Variants in KDM4A observed in about 807,000 individuals in gnomAD.
The protein encoded by KDM4A is lysine demethylase 4A.
In KDM4A, 23 loss-of-function variants were observed where a neutral mutation model predicts 127.1. The ratio of observed to expected loss-of-function variants is 0.18; its 90% CI spans 0.13 to 0.26. The LOEUF (loss-of-function observed/expected upper bound fraction) is 0.26. KDM4A is among the 10% of genes least tolerant of loss of function. KDM4A has a pLI of 1.00. For missense variants in KDM4A, 890 were observed against 1,329.1 expected, an observed-to-expected ratio of 0.67 and a Z score of 5.14; for synonymous variants, 443 against 466.5, an observed-to-expected ratio of 0.95 and a Z score of 0.65.
At chr1:43,671,263 C>T (rs1192008946) in intron 10 of KDM4A, among the ~76,000 whole-genome samples, 1 of 152,148 alleles carries the variant, frequency 6.6e-6, no homozygotes, top group African/African-American at 2.4e-5. Flanking sequence ...AGGCGGTGCT[C>T]AGGAGTCTTA....
rs1013314738 is a variant in KDM4A at position 43,704,255 on chromosome 1, A to G, written c.3080A>G (p.Asn1027Ser). 1.9e-6 allele frequency: 3 copies of G among 1,614,052 alleles called. No individual in the cohort carries two copies. Among genetic ancestry groups the G allele is most frequent in the African/African-American group, 2.7e-5 (2 of 74,912 alleles). ...RLSVASDMRF[N>S]EIFTEKEVKQ... ...TCAGTAGCCTCAGACATGCGCTTCA[A>G]TGAGATTTTCACAGAGAAAGAGGTT... Residue 1027 changes from asparagine to serine, a missense_variant, in exon 22 of 22, where the codon AAT becomes AGT. Around this residue, in one of 7 missense-constraint regions of KDM4A, gnomAD observed 246 missense variants for 418.4 expected, o/e 0.59. Coordinates refer to ENST00000372396, the MANE Select transcript of KDM4A (RefSeq NM_014663.3).
At chr1:43,664,687 T>C (rs1660461378) in intron 5 of KDM4A, among the ~76,000 whole-genome samples, 2 of 152,200 alleles carry the variant, frequency 1.3e-5, no homozygotes, top group South Asian at 4.1e-4. Context: ...CTAACTACTG[T>C]CCTGTTTTTC....
intron 3 of KDM4A, among the ~76,000 whole-genome samples, chr1:43,656,464 A>G (rs1394280448): frequency 6.7e-6 from 1 of 148,978 alleles, no homozygotes; most frequent in South Asian, 2.1e-4. Flanking sequence ...CAGCCTCCCA[A>G]GTAGCTGGGA....
At chr1:43,703,394 A>AT (rs570960378) in intron 19 of KDM4A, 16,667 of 320,812 alleles carry the variant, frequency 0.052, 117 homozygotes, top group African/African-American at 0.073. Context: ...TTATAGCTGG[A>AT]TTTTTTTTTT....
At chr1:43,702,472 T>A (rs2154049551) in intron 19 of KDM4A, 1 of 152,344 alleles carries the variant, frequency 6.6e-6, no homozygotes. Flanking sequence ...TAAGAGCAGA[T>A]GTGAGCATCC....
intron 19 of KDM4A, among the ~76,000 whole-genome samples, chr1:43,700,755 G>T (rs990273627): frequency 3.9e-5 from 6 of 151,910 alleles, no homozygotes; most frequent in African/African-American, 1.5e-4. Context: ...TGTGGAATCT[G>T]AAAGGTCAGT....
chr1:43,690,771 G>A (rs1557917762), intron 13 of KDM4A, 74 bp from the exon 14 acceptor site: 1 of 1,365,750 alleles, frequency 7.3e-7, no homozygotes, highest in East Asian at 2.3e-5. Flanking sequence ...CCAGCTTTCT[G>A]CTGATAGAGC....
intron 3 of KDM4A, among the ~76,000 whole-genome samples, chr1:43,657,191 A>C (rs1033163694): frequency 6.7e-6 from 1 of 149,422 alleles, no homozygotes; most frequent in African/African-American, 2.5e-5. Context: ...TCCGGCTGAC[A>C]CCTTAACTCC....
At chr1:43,673,816 G>C (rs1660681184) in intron 11 of KDM4A, among the ~76,000 whole-genome samples, 1 of 152,174 alleles carries the variant, frequency 6.6e-6, no homozygotes, top group Non-Finnish European at 1.5e-5. Flanking sequence ...CCATCCTACT[G>C]TTGACTACTG....
chr1:43,673,352 C>T (rs1156466429), intron 11 of KDM4A, among the ~76,000 whole-genome samples: 2 of 152,114 alleles, frequency 1.3e-5, no homozygotes, highest in East Asian at 1.9e-4. Flanking sequence ...TTCTGACGTA[C>T]GTACAAAATA....
intron 11 of KDM4A, among the ~76,000 whole-genome samples, chr1:43,672,191 C>CTT (rs1039485459): frequency 6.8e-6 from 1 of 147,168 alleles, no homozygotes; most frequent in Non-Finnish European, 1.5e-5. Context: ...ATCACAATGC[C>CTT]TTTTTTTTTT....
intron 1 of KDM4A, chr1:43,650,453 A>G (rs1009635110): frequency 6.6e-6 from 1 of 151,550 alleles, no homozygotes; most frequent in Admixed American, 6.6e-5. Flanking sequence ...GGACCTCGGG[A>G]GAGGGGGGCG....
chr1:43,652,675 CTTTCTTTT>C (rs1444947382), intron 1 of KDM4A, among the ~76,000 whole-genome samples: 14 of 134,674 alleles, frequency 1.0e-4, no homozygotes, highest in African/African-American at 4.1e-4. Context: ...TTCTTTCTTT[CTTTCTTTT>C]TTTTTTTTTT....
chr1:43,703,611 C>T lies in KDM4A; in HGVS notation c.2842-6C>T, dbSNP rs763220489. ...CTTTCACCCTCCTTCCTTCCTGTTTCCTCAGAGCCAGGACTGTCTCCAGTT... is the reference window on the plus strand; with the variant it reads ...CTTTCACCCTCCTTCCTTCCTGTTTTCTCAGAGCCAGGACTGTCTCCAGTT... On this transcript the variant is annotated splice_polypyrimidine_tract_variant and splice_region_variant and intron_variant, in intron 19 of 21. Transcript: ENST00000372396. The T allele has an allele frequency of 6.2e-7, 1 of 1,613,678 alleles. No homozygotes were observed. The highest frequency in any genetic ancestry group is 1.7e-5 in the Admixed American group (1 of 59,972).
At position 43,691,401 on chromosome 1, in the gene KDM4A, G is replaced by A. The variant is rs1661107086; in HGVS notation, c.2243-95G>A. 3.9e-6 allele frequency: 4 copies of A among 1,022,880 alleles called. No individual in the cohort carries two copies. The African/African-American group carries it at 6.3e-5, about 16-fold the overall frequency. The allele number at this position is 1,022,880 out of a possible 1,614,324, so 63.4% of individuals were successfully genotyped here. A position where few individuals can be genotyped will look rare whatever the true frequency, so the allele number is the denominator to read the frequency against. On this transcript the variant is annotated intron_variant, in intron 14 of 21. Transcript: ENST00000372396. The stretch of plus-strand genomic sequence containing the variant: ...TAAGGGGTTTCTGTGAGATTTGGTT[G>A]TAGCTTTGGGAGGTGGTATATGGAA...
chr1:43,686,552 G>T (rs1057157191), intron 12 of KDM4A, among the ~76,000 whole-genome samples: 1 of 150,446 alleles, frequency 6.6e-6, no homozygotes, highest in East Asian at 2.0e-4. Flanking sequence ...GGCCAGGCTT[G>T]TCTCGAACTC....
At chr1:43,676,197 C>T (rs1254891924) in intron 11 of KDM4A, among the ~76,000 whole-genome samples, 1 of 151,452 alleles carries the variant, frequency 6.6e-6, no homozygotes, top group Non-Finnish European at 1.5e-5. Flanking sequence ...GGCTGAGGTG[C>T]GAGAATTGCT....
Position 43,694,297 on chromosome 1 carries a change from A to C in KDM4A, c.2484+195A>C, listed in dbSNP as rs1056026916. 1.3e-5 allele frequency among the ~76,000 whole-genome samples: 2 copies of C among 152,092 alleles called. No individual in the cohort carries two copies. Among genetic ancestry groups the C allele is most frequent in the African/African-American group, 4.8e-5 (2 of 41,414 alleles). On this transcript the variant is annotated intron_variant, in intron 17 of 21. Coordinates refer to ENST00000372396, the MANE Select transcript of KDM4A (RefSeq NM_014663.3). The surrounding 1 kb of genome is among the most constrained non-coding windows in gnomAD (Gnocchi z 5.2). The stretch of plus-strand genomic sequence containing the variant: ...TTTGTGGGGCCGAGGTGGGTGAACC[A>C]CTTGAGGTCAGGAGTTCAAGACCAG...
intron 1 of KDM4A, among the ~76,000 whole-genome samples, chr1:43,652,838 A>G (rs368922993): frequency 1.3e-5 from 2 of 150,546 alleles, no homozygotes; most frequent in South Asian, 2.1e-4. Context: ...GCCCGCCACC[A>G]TGCCCAGCTA....
Sources: gnomAD v4.1 joint callset for allele counts (sites outside exome capture counted in the v4.1 genomes callset) on GRCh38, gnomAD v4.1.1 for gene constraint, gnomAD v4.1.1 regional missense constraint, Gnocchi (gnomAD v3.1) non-coding constraint, MANE v1.5 for transcripts, NCBI Gene and HGNC (gene_info 2026-07-23, HGNC 2026-07-21) for gene names.